Variants in OXNAD1 observed in about 807,000 individuals in gnomAD.
OXNAD1 encodes oxidoreductase NAD-binding domain-containing protein 1.
In OXNAD1, 34 loss-of-function variants were observed where a neutral mutation model predicts 32.9. The ratio of observed to expected loss-of-function variants is 1.03; its 90% confidence interval spans 0.79 to 1.38. The LOEUF (loss-of-function observed/expected upper bound fraction) is 1.38. OXNAD1 is among the 40% of genes most tolerant of loss of function. The pLI, the probability that OXNAD1 is intolerant of heterozygous loss-of-function variation, is 0.00. For missense variants in OXNAD1, 407 were observed against 379.4 expected (o/e 1.07, Z -0.60); for synonymous variants, 134 against 135.2 (o/e 0.99, Z 0.06).
chr3:16,291,628 A>G (rs958270225), intron 5 of OXNAD1, among the ~76,000 whole-genome samples: 1 of 152,176 alleles, frequency 6.6e-6, no homozygotes, highest in African/African-American at 2.4e-5. Context: ...CATTTTGTTT[A>G]TATCTTCATT....
chr3:16,313,315 C>G (rs2068106458), intron 9 of OXNAD1, among the ~76,000 whole-genome samples: 1 of 151,162 alleles, frequency 6.6e-6, no homozygotes, highest in Non-Finnish European at 1.5e-5. Flanking sequence ...AGTGCTGGGA[C>G]TATAGGCGTG....
rs990286851 is a variant in OXNAD1, at chr3:16,280,206, G to T, written c.184-6136G>T. Among the ~76,000 whole-genome samples, 8 of 152,150 alleles carry T rather than the reference G, an allele frequency of 5.3e-5. No homozygotes were observed. The highest frequency in any genetic ancestry group is 1.9e-4 in the African/African-American group (8 of 41,418). ...TGAGGTGGGAGATCCTAGAGCTCGT[G>T]TGTTCTGATGGGGAGGGTAGAGAGG... is the stretch of plus-strand genomic sequence containing the variant. On this transcript the variant is annotated intron_variant, in intron 4 of 8. Coordinates refer to ENST00000285083, the MANE Select transcript of OXNAD1 (RefSeq NM_138381.5). The surrounding 1 kb of genome is among the most constrained non-coding windows in gnomAD (Gnocchi z 4.5).
Position 16,271,019 on chromosome 3 carries a change from G to T in OXNAD1, c.67G>T (p.Ala23Ser). 2 of 1,614,154 alleles carry T rather than the reference G, an allele frequency of 1.2e-6. No individual in the cohort carries two copies. The highest frequency in any genetic ancestry group is 2.2e-5 in the East Asian group (1 of 44,882). Residue 23 changes from alanine to serine, a missense_variant, in exon 3 of 9, where the codon GCT becomes TCT. Coordinates refer to ENST00000285083, the MANE Select transcript of OXNAD1 (RefSeq NM_138381.5). This position sits in a 1 kb window ranked among gnomAD's most constrained non-coding sequence, Gnocchi z 4.6. ...RCSVGAIRIEAASLRLTLSTL... is the reference protein window; with the variant it reads ...RCSVGAIRIESASLRLTLSTL... Reference sequence around the variant, plus strand: ...CTCTGTTGGAGCCATCCGTATTGAGGCTGCGTCACTGAGATTGACACTCAG... The same window carrying T: ...CTCTGTTGGAGCCATCCGTATTGAGTCTGCGTCACTGAGATTGACACTCAG...
At chr3:16,279,896 A>T (rs1376073027) in intron 4 of OXNAD1, among the ~76,000 whole-genome samples, 1 of 152,132 alleles carries the variant, frequency 6.6e-6, no homozygotes, top group Non-Finnish European at 1.5e-5. Context: ...GAAATGTTGT[A>T]ATATGAATGG....
In OXNAD1 at chr3:16,336,252, TCA is replaced by T. The variant is rs1291359967; in HGVS notation, c.*31-857_*31-856del. ...TGGTATCACTGTTCATTCATGAATC[TCA>T]CATTCAGTCAGCCTGGCTCTGTCTG... On this transcript the variant is annotated intron_variant, in intron 9 of 9. Coordinates refer to the OXNAD1 transcript ENST00000435829. This position sits in a 1 kb window ranked among gnomAD's most constrained non-coding sequence, Gnocchi z 6.0. Among the ~76,000 whole-genome samples, 1 of 152,260 alleles carries T rather than the reference TCA, an allele frequency of 6.6e-6. No homozygotes were observed. The highest frequency in any genetic ancestry group is 1.5e-5 in the Non-Finnish European group (1 of 68,046).
chr3:16,282,595 A>G (rs1197618344), intron 4 of OXNAD1, among the ~76,000 whole-genome samples: 1 of 151,954 alleles, frequency 6.6e-6, no homozygotes, highest in African/African-American at 2.4e-5. Context: ...AAGAGGGAGG[A>G]CCTCAGGCAG....
rs947610609 is a variant in OXNAD1 at position 16,329,188 on chromosome 3, G to A, written c.*31-7924G>A. 1.9e-4 allele frequency among the ~76,000 whole-genome samples: 29 copies of A among 152,310 alleles called. No individual in the cohort carries two copies. The highest frequency in any genetic ancestry group is 2.2e-4 in the African/African-American group (9 of 41,566). On this transcript the variant is annotated intron_variant, in intron 9 of 9. Transcript: ENST00000435829. This position sits in a 1 kb window ranked among gnomAD's most constrained non-coding sequence, Gnocchi z 4.5. ...TTCTGCGCTTCCGCCTCGGGATGAC[G>A]CAGCAAGAAGGCCCTCACAAGATGC... is the stretch of plus-strand genomic sequence containing the variant.
Position 16,302,793 on chromosome 3 carries a change from G to GC in OXNAD1, c.784+45_784+46insC. ...TTTGACTATCTCCATGCAGTTATTT[G>GC]ATGGACACACCAGTTGGTTGAGCGT... On this transcript the variant is annotated intron_variant, in intron 8 of 8. Transcript: ENST00000285083. The surrounding 1 kb of genome is among the most constrained non-coding windows in gnomAD (Gnocchi z 4.2). 1 of 1,409,134 alleles carries GC rather than the reference G, an allele frequency of 7.1e-7. No individual in the cohort carries two copies. The highest frequency in any genetic ancestry group is 1.0e-6 in the Non-Finnish European group (1 of 1,002,374). The allele number at this position is 1,409,134 out of a possible 1,614,324, so 87.3% of individuals were successfully genotyped here. A position where few individuals can be genotyped will look rare whatever the true frequency, so the allele number is the denominator to read the frequency against.
chr3:16,308,225 G>A (rs990824251), downstream of OXNAD1, among the ~76,000 whole-genome samples: 3 of 152,138 alleles, frequency 2.0e-5, no homozygotes, highest in South Asian at 6.2e-4. This position sits in a 1 kb window ranked among gnomAD's most constrained non-coding sequence, Gnocchi z 4.4. Flanking sequence ...AATGCTCTGG[G>A]GCAACATATT....
chr3:16,326,784 G>A lies in OXNAD1; in HGVS notation c.*31-10328G>A, dbSNP rs781385817. The A allele has an allele frequency of 1.9e-6, 3 of 1,613,832 alleles. No homozygotes were observed. The South Asian group carries it at 3.3e-5, about 18-fold the overall frequency. ...ACTGTTATTGTTACCTGGTAGTCTT[G>A]ACGACGGGAGTTGGTAGCACACAGG... is the stretch of plus-strand genomic sequence containing the variant. On this transcript the variant is annotated intron_variant, in intron 9 of 9. Coordinates refer to the OXNAD1 transcript ENST00000435829.
chr3:16,313,022 GTTTA>G (rs146446724), intron 9 of OXNAD1, among the ~76,000 whole-genome samples: 19,387 of 151,134 alleles, frequency 0.13, 1,316 homozygotes, highest in Middle Eastern at 0.16. Context: ...CTTAGCAAAG[GTTTA>G]TTTAACGCCC....
In OXNAD1 at chr3:16,317,035, G is replaced by A. The variant is rs771592793; in HGVS notation, c.*30+13443G>A. The A allele has an allele frequency of 1.4e-5, 22 of 1,613,744 alleles. No individual in the cohort carries two copies. Among genetic ancestry groups the A allele is most frequent in the South Asian group, 1.3e-4 (12 of 91,064 alleles). On this transcript the variant is annotated intron_variant, in intron 9 of 9. Coordinates refer to the OXNAD1 transcript ENST00000435829. This position sits in a 1 kb window ranked among gnomAD's most constrained non-coding sequence, Gnocchi z 4.3. ...GTTCTCCCTTGTCCTCTTGGACAGGGCCCTTCATCTCCTCGGAGACTCCAC... is the reference window on the plus strand; with the variant it reads ...GTTCTCCCTTGTCCTCTTGGACAGGACCCTTCATCTCCTCGGAGACTCCAC...
Position 16,298,075 on chromosome 3 carries a change from C to T in OXNAD1, c.432+3078C>T, listed in dbSNP as rs1393016256. ...TCTGTCCAGGATAACCCCCAGATGC[C>T]TGTGTAGGCATTTCCATTGTAAATG... On this transcript the variant is annotated intron_variant, in intron 6 of 8. Coordinates refer to ENST00000285083, the MANE Select transcript of OXNAD1 (RefSeq NM_138381.5). This position sits in a 1 kb window ranked among gnomAD's most constrained non-coding sequence, Gnocchi z 5.1. Among the ~76,000 whole-genome samples the T allele has an allele frequency of 6.6e-6, 1 of 152,180 alleles. No individual in the cohort carries two copies. Among genetic ancestry groups the T allele is most frequent in the Admixed American group, 6.5e-5 (1 of 15,274 alleles).
chr3:16,322,291 A>G lies in OXNAD1; in HGVS notation c.*31-14821A>G, dbSNP rs573074938. ...TCCACACTCCAGCCCATCTGGCTTC[A>G]AGTCACCATTGCTTTGGCACTCCTT... On this transcript the variant is annotated intron_variant, in intron 9 of 9. Transcript: ENST00000435829. This position sits in a 1 kb window ranked among gnomAD's most constrained non-coding sequence, Gnocchi z 6.2. Among the ~76,000 whole-genome samples the G allele has an allele frequency of 1.3e-5, 2 of 152,274 alleles. No homozygotes were observed. The highest frequency in any genetic ancestry group is 4.1e-4 in the South Asian group (2 of 4,830).
chr3:16,347,900 T>A, intron 9 of OXNAD1: 1 of 152,232 alleles, frequency 6.6e-6, no homozygotes, highest in East Asian at 1.9e-4. Context: ...TGCAAGTAAC[T>A]TATTAAGGAT....
chr3:16,306,173 G>C (rs140723901), downstream of OXNAD1: 1 of 152,272 alleles, frequency 6.6e-6, no homozygotes, highest in East Asian at 1.9e-4. Flanking sequence ...AGGTTAGTCT[G>C]ATATTTGTAT....
rs2071726494 is a variant in OXNAD1 at position 16,346,477 on chromosome 3, C to T, written c.*31-2699C>T. 1 of 152,070 alleles carries T rather than the reference C, an allele frequency of 6.6e-6. No homozygotes were observed. The highest frequency in any genetic ancestry group is 1.5e-5 in the Non-Finnish European group (1 of 68,006). The allele number at this position is 152,070 out of a possible 1,614,324, so 9.4% of individuals were successfully genotyped here. On this transcript the variant is annotated intron_variant, in intron 9 of 9. Coordinates refer to the OXNAD1 transcript ENST00000606098. This position sits in a 1 kb window ranked among gnomAD's most constrained non-coding sequence, Gnocchi z 4.4. ...TCATTATCCAAACCGTCAACAAGTC[C>T]AGTCTTCTTGAAAATACCTCTAGGA... is the stretch of plus-strand genomic sequence containing the variant.
chr3:16,315,413 G>A (rs1412674597), intron 9 of OXNAD1, among the ~76,000 whole-genome samples: 1 of 152,182 alleles, frequency 6.6e-6, no homozygotes, highest in East Asian at 1.9e-4. Context: ...ACCATGCCTG[G>A]CCTACAAATG....
chr3:16,324,324 T>A (rs1172720821), intron 9 of OXNAD1, among the ~76,000 whole-genome samples: 1 of 152,176 alleles, frequency 6.6e-6, no homozygotes, highest in Non-Finnish European at 1.5e-5. Context: ...AACTGTAAAC[T>A]ATACAAGGCA....
Sources: gnomAD v4.1 joint callset for allele counts (sites outside exome capture counted in the v4.1 genomes callset) on GRCh38, gnomAD v4.1.1 for gene constraint, Gnocchi (gnomAD v3.1) non-coding constraint, MANE v1.5 for transcripts, NCBI Gene and HGNC (gene_info 2026-07-23, HGNC 2026-07-21) for gene names.